The following SLC8A1 variants were observed in gnomAD, a reference collection of about 807,000 sequenced individuals.
SLC8A1 encodes sodium/calcium exchanger 1.
Under a neutral mutation model 68.3 loss-of-function variants are expected in SLC8A1, and 18 were observed. That is an observed-to-expected ratio of 0.26 (90% CI 0.18 to 0.39). The LOEUF is 0.39. SLC8A1 is among the 10% of genes least tolerant of loss of function. SLC8A1 has a pLI of 1.00. For missense variants in SLC8A1, 985 were observed against 1,156.7 expected, an observed-to-expected ratio of 0.85 and a Z score of 2.15; for synonymous variants, 475 against 415.5, an observed-to-expected ratio of 1.14 and a Z score of -1.74.
At chr2:40,194,761 A>G (rs1354326964) in intron 2 of SLC8A1, among the ~76,000 whole-genome samples, 3 of 139,434 alleles carry the variant, frequency 2.2e-5, no homozygotes, top group African/African-American at 8.3e-5. Flanking sequence ...GTCATATCCT[A>G]GGGCCAGGGC....
intron 1 of SLC8A1, among the ~76,000 whole-genome samples, chr2:40,441,371 C>T (rs1700446062): frequency 6.8e-6 from 1 of 147,710 alleles, no homozygotes; most frequent in South Asian, 2.2e-4. Flanking sequence ...CATCAAACTA[C>T]CATTGACTTT....
In SLC8A1 at chr2:40,211,163, C is replaced by T. The variant is rs548784216; in HGVS notation, c.1809-33308G>A. Reference sequence around the variant, plus strand: ...CTAGTGGGCATCTCTCCAGTCATCTCACAACAACCTTGCTCATCTCTTCCT... The same window carrying T: ...CTAGTGGGCATCTCTCCAGTCATCTTACAACAACCTTGCTCATCTCTTCCT... On this transcript the variant is annotated intron_variant, in intron 2 of 7. Transcript: ENST00000406785. Among the ~76,000 whole-genome samples the T allele has an allele frequency of 1.0e-3, 158 of 152,360 alleles. 1 individual carries two copies. The highest frequency in any genetic ancestry group is 3.8e-3 in the African/African-American group (156 of 41,584).
rs190220269 is a variant in SLC8A1, at chr2:40,206,694, G to T, written c.1809-28839C>A. On this transcript the variant is annotated intron_variant, in intron 2 of 7. Coordinates refer to ENST00000406785, the Ensembl canonical transcript of SLC8A1. ...TGAGCTTTAGGCCTGGGAACAAAAT[G>T]TCAGAGATAAAATTGGTATACTATT... Among the ~76,000 whole-genome samples, 54 of 152,122 alleles carry T rather than the reference G, an allele frequency of 3.5e-4. 1 individual carries two copies. The highest frequency in any genetic ancestry group is 3.7e-4 in the Non-Finnish European group (25 of 67,970).
chr2:40,175,235 G>A, intron 3 of SLC8A1, 26 bp downstream of exon 4: 1 of 1,609,824 alleles, frequency 6.2e-7, no homozygotes, highest in African/African-American at 1.3e-5. Context: ...AAAATGGAAA[G>A]GAAATGCAAG....
chr2:40,198,739 G>A (rs938816205), intron 2 of SLC8A1, among the ~76,000 whole-genome samples: 2 of 151,856 alleles, frequency 1.3e-5, no homozygotes, highest in Non-Finnish European at 2.9e-5. Context: ...TACTGGGTAG[G>A]TTCCCTCTTT....
intron 2 of SLC8A1, among the ~76,000 whole-genome samples, chr2:40,267,276 T>G (rs2065471570): frequency 6.6e-6 from 1 of 152,216 alleles, no homozygotes; most frequent in Non-Finnish European, 1.5e-5. Flanking sequence ...GTCATAACCC[T>G]TATCATTTAT....
intron 2 of SLC8A1, among the ~76,000 whole-genome samples, chr2:40,363,167 T>G (rs919584388): frequency 1.3e-5 from 2 of 152,168 alleles, no homozygotes; most frequent in Non-Finnish European, 2.9e-5. Flanking sequence ...AGATGAGTCT[T>G]ATAATCATTT....
chr2:40,286,349 GA>G (rs1219563059), intron 2 of SLC8A1, among the ~76,000 whole-genome samples: 1 of 152,220 alleles, frequency 6.6e-6, no homozygotes, highest in Non-Finnish European at 1.5e-5. Context: ...ACCAGGATAT[GA>G]AAGACAGAGG....
At chr2:40,428,584 G>C in exon 2 of SLC8A1, 1 of 1,613,814 alleles carries the variant, frequency 6.2e-7, no homozygotes, top group Non-Finnish European at 8.5e-7. Flanking sequence ...ATTTCCTCGA[G>C]CTCCAGATGT....
At chr2:40,149,838 A>C (rs1264191963) in intron 6 of SLC8A1, among the ~76,000 whole-genome samples, 1 of 152,146 alleles carries the variant, frequency 6.6e-6, no homozygotes, top group African/African-American at 2.4e-5. Flanking sequence ...TGCTTTGTCT[A>C]ATCCTAAGGC....
exon 2 of SLC8A1, chr2:40,429,561 G>T (rs185790423): frequency 1.5e-5 from 24 of 1,613,594 alleles, no homozygotes; most frequent in Non-Finnish European, 1.9e-5. Context: ...TGGGAAAGAA[G>T]AAGAAAGTAA....
intron 2 of SLC8A1, among the ~76,000 whole-genome samples, chr2:40,404,126 G>C (rs1689609746): frequency 6.6e-6 from 1 of 151,936 alleles, no homozygotes; most frequent in Admixed American, 6.6e-5. Context: ...GAGATTCTGG[G>C]CTCAAGTGAT....
At chr2:40,173,881 T>C (rs1434076674) in intron 4 of SLC8A1, among the ~76,000 whole-genome samples, 1 of 152,186 alleles carries the variant, frequency 6.6e-6, no homozygotes, top group Non-Finnish European at 1.5e-5. Context: ...TGTGCACAGA[T>C]GACTCTAAAA....
At chr2:40,301,574 G>T (rs577267252) in intron 2 of SLC8A1, among the ~76,000 whole-genome samples, 1 of 146,270 alleles carries the variant, frequency 6.8e-6, no homozygotes, top group South Asian at 2.4e-4. Context: ...TGATACAATG[G>T]ATTTTGGGGA....
chr2:40,398,092 C>T (rs73928979), intron 2 of SLC8A1, among the ~76,000 whole-genome samples: 2,239 of 152,324 alleles, frequency 0.015, 45 homozygotes, highest in African/African-American at 0.044. Flanking sequence ...AAGAAAGTAA[C>T]CCAGAAGTAC....
chr2:40,275,583 TG>T (rs2066598253), intron 2 of SLC8A1, among the ~76,000 whole-genome samples: 1 of 151,538 alleles, frequency 6.6e-6, no homozygotes, highest in Non-Finnish European at 1.5e-5. Context: ...GGTCTGATGA[TG>T]TTTTTTTCTT....
At chr2:40,110,397 A>G (rs2034487598) in exon 8 of SLC8A1, 1 of 152,236 alleles carries the variant, frequency 6.6e-6, no homozygotes, top group African/African-American at 2.4e-5. Context: ...GGTAAAAAAG[A>G]ATAGCAGAAC....
At chr2:40,207,521 AT>A (rs1268391538) in intron 2 of SLC8A1, among the ~76,000 whole-genome samples, 1 of 152,150 alleles carries the variant, frequency 6.6e-6, no homozygotes, top group African/African-American at 2.4e-5. Context: ...CCAAGGTATA[AT>A]AAAATATTTT....
exon 8 of SLC8A1, chr2:40,099,871 C>G (rs2125020858): frequency 6.6e-6 from 1 of 152,182 alleles, no homozygotes; most frequent in African/African-American, 2.4e-5. Flanking sequence ...TGGCCTGCCC[C>G]TCTGAGAACA....
Sources: allele counts gnomAD v4.1 joint callset (sites outside exome capture counted in the v4.1 genomes callset), GRCh38; gene constraint gnomAD v4.1.1; transcripts MANE v1.5; gene names NCBI Gene and HGNC (gene_info 2026-07-23, HGNC 2026-07-21).